MALRD1: variants seen among roughly 807,000 people sequenced by gnomAD.
MALRD1 encodes the protein MAM and LDL-receptor class A domain-containing protein 1.
A neutral mutation model predicts 242.1 loss-of-function variants in MALRD1; 247 were observed. The ratio of observed to expected loss-of-function variants is 1.02; its 90% CI spans 0.92 to 1.13. The LOEUF (loss-of-function observed/expected upper bound fraction) is 1.13, where lower values mean the gene tolerates loss of function less well. Among genes scored for constraint, MALRD1 ranks in the 50% most tolerant of loss-of-function variants. The probability of loss-of-function intolerance (pLI) is 0.00; values close to 1 mark genes in which losing one functional copy is unlikely to be tolerated. For synonymous variants in MALRD1, 995 were observed against 866.6 expected (o/e 1.15, Z -2.60); for missense variants, 2,989 against 2,533.1 (o/e 1.18, Z -3.86).
At chr10:19,730,444 A>C in intron 38 of MALRD1, 1 of 487,798 alleles carries the variant, frequency 2.1e-6, no homozygotes, top group Non-Finnish European at 3.7e-6. Context: ...TAACTTTTGC[A>C]ATTTCTTTTA....
rs868498645 is a variant in MALRD1 at position 19,148,794 on chromosome 10, T to A, written c.1558+2450T>A. On this transcript the variant is annotated intron_variant, in intron 11 of 39. Transcript: ENST00000454679. ...CAATTAAAAAAAAAAAAAAAATATA[T>A]ATATATATATATATATCTGGATCAC... Among the ~76,000 whole-genome samples the A allele has an allele frequency of 6.4e-4, 84 of 130,436 alleles. No homozygotes were observed. In the East Asian group the frequency reaches 0.015, roughly 24 times the overall value. 85.6% of individuals were successfully genotyped at this position (130,436 alleles called of 152,430 possible).
intron 29 of MALRD1, among the ~76,000 whole-genome samples, chr10:19,477,566 C>A (rs967094448): frequency 2.0e-5 from 3 of 152,062 alleles, no homozygotes; most frequent in African/African-American, 7.2e-5. Flanking sequence ...TTGTCTCATG[C>A]CAGAGAAATT....
At chr10:19,415,774 AC>A (rs1394188810) in intron 28 of MALRD1, among the ~76,000 whole-genome samples, 2 of 152,042 alleles carry the variant, frequency 1.3e-5, no homozygotes, top group Non-Finnish European at 2.9e-5. Context: ...TAAGTGAAAA[AC>A]CCTGCTTTGT....
At chr10:19,223,132 G>A (rs1417437823) in intron 18 of MALRD1, among the ~76,000 whole-genome samples, 1 of 152,014 alleles carries the variant, frequency 6.6e-6, no homozygotes, top group Non-Finnish European at 1.5e-5. Flanking sequence ...TCATATACAA[G>A]CTTTTATATT....
At chr10:19,128,476 C>A in intron 8 of MALRD1, 89 bp downstream of exon 8, 1 of 855,048 alleles carries the variant, frequency 1.2e-6, no homozygotes, top group Non-Finnish European at 1.6e-6. Flanking sequence ...CTCAGTTGCG[C>A]ATAGGCTTTT....
intron 33 of MALRD1, among the ~76,000 whole-genome samples, chr10:19,572,411 A>G (rs1295404092): frequency 6.6e-6 from 1 of 152,220 alleles, no homozygotes; most frequent in Non-Finnish European, 1.5e-5. Context: ...TTAAAACTAT[A>G]TGCGAGGTTG....
At chr10:19,413,314 A>C (rs1326357465) in intron 28 of MALRD1, among the ~76,000 whole-genome samples, 1 of 152,074 alleles carries the variant, frequency 6.6e-6, no homozygotes, top group Non-Finnish European at 1.5e-5. Flanking sequence ...TCATCTTGCA[A>C]CATTATTTCA....
At chr10:19,496,632 A>T (rs1052923964) in intron 30 of MALRD1, among the ~76,000 whole-genome samples, 1 of 152,346 alleles carries the variant, frequency 6.6e-6, no homozygotes, top group Middle Eastern at 3.4e-3. Flanking sequence ...ACAACCTCAA[A>T]TAATCTCAAA....
At chr10:19,478,738 C>G (rs1260636279) in intron 29 of MALRD1, among the ~76,000 whole-genome samples, 1 of 152,086 alleles carries the variant, frequency 6.6e-6, no homozygotes, top group African/African-American at 2.4e-5. Context: ...GCCTCCTTGT[C>G]TATGTAACAA....
chr10:19,240,289 C>T (rs1838700403), intron 18 of MALRD1, among the ~76,000 whole-genome samples: 2 of 151,932 alleles, frequency 1.3e-5, no homozygotes, highest in South Asian at 4.1e-4. Flanking sequence ...AGATAGTTCA[C>T]TATTAGTGTA....
chr10:19,281,047 G>A (rs1345503670), intron 20 of MALRD1, among the ~76,000 whole-genome samples: 2 of 152,066 alleles, frequency 1.3e-5, no homozygotes, highest in African/African-American at 4.8e-5. Context: ...GAAATTCTAG[G>A]ACTTAAGAAA....
intron 4 of MALRD1, among the ~76,000 whole-genome samples, chr10:19,102,911 C>A (rs1035316270): frequency 2.0e-5 from 3 of 151,556 alleles, no homozygotes; most frequent in Admixed American, 1.3e-4. Context: ...TGTAGTGGTG[C>A]GATCTCTGCT....
intron 36 of MALRD1, among the ~76,000 whole-genome samples, chr10:19,648,877 G>A (rs1178802719): frequency 2.0e-5 from 3 of 152,016 alleles, no homozygotes; most frequent in Non-Finnish European, 4.4e-5. Flanking sequence ...TATCTTTCCT[G>A]CTCCCCTCCC....
At chr10:19,141,457 G>A (rs770486154) in intron 10 of MALRD1, among the ~76,000 whole-genome samples, 2 of 151,926 alleles carry the variant, frequency 1.3e-5, no homozygotes, top group Non-Finnish European at 2.9e-5. Flanking sequence ...GATGGATGGT[G>A]GTAATGGTTG....
chr10:19,257,673 TA>T lies in MALRD1; in HGVS notation c.2992-10del, dbSNP rs778414159. 35 of 1,508,542 alleles carry T rather than the reference TA, an allele frequency of 2.3e-5. No homozygotes were observed. The South Asian group carries it at 3.1e-4, about 13-fold the overall frequency. The allele number at this position is 1,508,542 out of a possible 1,614,324, so 93.4% of individuals were successfully genotyped here. A position where few individuals can be genotyped will look rare whatever the true frequency, so the allele number is the denominator to read the frequency against. On this transcript the variant is annotated splice_polypyrimidine_tract_variant and intron_variant, in intron 18 of 39. Transcript: ENST00000454679. Reference sequence around the variant, plus strand: ...CATTTCTTATTTTTATTTTTTATTTTATTTTTTTAGATATTGGTGGAGGCTT... The same window carrying T: ...CATTTCTTATTTTTATTTTTTATTTTTTTTTTTAGATATTGGTGGAGGCTT...
chr10:19,717,136 C>T (rs1421054754), intron 38 of MALRD1, among the ~76,000 whole-genome samples: 1 of 152,030 alleles, frequency 6.6e-6, no homozygotes, highest in Admixed American at 6.6e-5. Context: ...TGTAAAGAAC[C>T]ATAGTTTTTC....
intron 36 of MALRD1, among the ~76,000 whole-genome samples, chr10:19,688,771 G>A (rs989676534): frequency 1.3e-5 from 2 of 152,212 alleles, no homozygotes; most frequent in South Asian, 2.1e-4. Flanking sequence ...TGTTCTCAGC[G>A]TGCCATTAGA....
At chr10:19,442,064 G>T (rs1834693032) in intron 28 of MALRD1, among the ~76,000 whole-genome samples, 1 of 152,072 alleles carries the variant, frequency 6.6e-6, no homozygotes. Context: ...TTGTAAGTTG[G>T]ATTCCTAGGT....
chr10:19,510,422 C>T (rs575682530), intron 31 of MALRD1, among the ~76,000 whole-genome samples: 1 of 152,272 alleles, frequency 6.6e-6, no homozygotes, highest in East Asian at 1.9e-4. Context: ...TGGGGAGAAA[C>T]CTTGGACAAT....
Sources: gnomAD v4.1 joint callset for allele counts (sites outside exome capture counted in the v4.1 genomes callset) on GRCh38, gnomAD v4.1.1 for gene constraint, MANE v1.5 for transcripts, NCBI Gene and HGNC (gene_info 2026-07-23, HGNC 2026-07-21) for gene names.